SYT1: variants seen among roughly 807,000 people sequenced by gnomAD.
The protein encoded by SYT1 is synaptotagmin 1, also known as synaptotagmin-1.
Under a neutral mutation model 44.8 loss-of-function variants are expected in SYT1, and 8 were observed. That is an observed-to-expected ratio of 0.18 (90% CI 0.10 to 0.32). SYT1 has a LOEUF of 0.32. Among genes scored for constraint, SYT1 ranks in the 10% least tolerant of loss-of-function variants. SYT1 has a pLI of 1.00. For synonymous variants in SYT1, 154 were observed against 188.8 expected (o/e 0.82, Z 1.51); for missense variants, 286 against 509.3 (o/e 0.56, Z 4.22).
Position 79,408,462 on chromosome 12 carries a change from A to C in SYT1, c.929-35611A>C, listed in dbSNP as rs73356705. ...TGGAAGGAGCAAGGATCGGAGATAC[A>C]GTGCACATTCTTACTGAGACTTTGA... On this transcript the variant is annotated intron_variant, in intron 9 of 10. Transcript: ENST00000261205. Among the ~76,000 whole-genome samples, 944 of 152,288 alleles carry C rather than the reference A, an allele frequency of 6.2e-3. 10 individuals carry two copies. Among genetic ancestry groups the C allele is most frequent in the African/African-American group, 0.022 (900 of 41,574 alleles).
At chr12:79,301,236 T>C (rs1392021181) in intron 8 of SYT1, among the ~76,000 whole-genome samples, 1 of 152,128 alleles carries the variant, frequency 6.6e-6, no homozygotes. Context: ...TGCCCACTTG[T>C]GCAGGGTGCA....
chr12:79,430,690 G>A (rs1196402230), intron 9 of SYT1, among the ~76,000 whole-genome samples: 2 of 152,238 alleles, frequency 1.3e-5, no homozygotes, highest in Non-Finnish European at 2.9e-5. Context: ...GGGAGGCTGA[G>A]GTGGGAGGAT....
chr12:79,071,372 A>G (rs1261315205), intron 3 of SYT1, among the ~76,000 whole-genome samples: 1 of 152,198 alleles, frequency 6.6e-6, no homozygotes, highest in African/African-American at 2.4e-5. Context: ...TCACAGTCTA[A>G]GAGAGTGGGG....
At chr12:79,052,664 AAAAC>A (rs143564170) in intron 3 of SYT1, among the ~76,000 whole-genome samples, 35,666 of 151,024 alleles carry the variant, frequency 0.24, 4,870 homozygotes, top group Non-Finnish European at 0.34. Flanking sequence ...TTACAAGAAA[AAAAC>A]AAACAACCCC....
At chr12:79,246,203 C>G (rs898995784) in intron 4 of SYT1, among the ~76,000 whole-genome samples, 10 of 152,056 alleles carry the variant, frequency 6.6e-5, no homozygotes, top group Non-Finnish European at 1.2e-4. Context: ...TGGTCAATTC[C>G]AAAAGACGAG....
chr12:79,337,966 G>A (rs1882165150), intron 8 of SYT1, among the ~76,000 whole-genome samples: 1 of 152,168 alleles, frequency 6.6e-6, no homozygotes, highest in Non-Finnish European at 1.5e-5. Flanking sequence ...GTTTAAAATT[G>A]GATTTGACCC....
At chr12:79,263,270 ATTTT>A (rs34435501) in intron 4 of SYT1, among the ~76,000 whole-genome samples, 1 of 139,888 alleles carries the variant, frequency 7.1e-6, no homozygotes, top group Non-Finnish European at 1.6e-5. Context: ...TCTTCTGGTG[ATTTT>A]TTTTTTTTTT....
intron 2 of SYT1, among the ~76,000 whole-genome samples, chr12:79,020,004 T>A (rs1565766168): frequency 6.6e-6 from 1 of 151,962 alleles, no homozygotes; most frequent in Admixed American, 6.6e-5. Flanking sequence ...TCAATTTATA[T>A]GTCAAGAGAA....
chr12:79,226,799 C>T lies in SYT1; in HGVS notation c.166+9114C>T, dbSNP rs531424532. Among the ~76,000 whole-genome samples, 24 of 152,052 alleles carry T rather than the reference C, an allele frequency of 1.6e-4. No homozygotes were observed. The South Asian group carries it at 2.3e-3, about 14-fold the overall frequency. ...TGTATTTTACACTTTCATTTTAATC[C>T]GTCATAATTTTTCCTGCCTATATAA... On this transcript the variant is annotated intron_variant, in intron 4 of 10. Transcript: ENST00000261205.
At chr12:78,914,819 T>A (rs1338901665) in intron 1 of SYT1, among the ~76,000 whole-genome samples, 1 of 151,998 alleles carries the variant, frequency 6.6e-6, no homozygotes, top group Non-Finnish European at 1.5e-5. Context: ...ATTCATGTAA[T>A]TAAATATGTA....
At chr12:78,962,332 C>CTT (rs35875550) in intron 1 of SYT1, among the ~76,000 whole-genome samples, 2,573 of 130,084 alleles carry the variant, frequency 0.02, 25 homozygotes, top group East Asian at 0.061. Context: ...AGCATTCTTT[C>CTT]TTTTTTTTTT....
At chr12:78,961,759 G>C (rs911363261) in intron 1 of SYT1, among the ~76,000 whole-genome samples, 17 of 152,064 alleles carry the variant, frequency 1.1e-4, no homozygotes, top group Admixed American at 1.1e-3. Flanking sequence ...GATATAAGCT[G>C]TATAATTGAA....
At chr12:79,102,765 T>G (rs1878514499) in intron 3 of SYT1, among the ~76,000 whole-genome samples, 1 of 152,174 alleles carries the variant, frequency 6.6e-6, no homozygotes. Context: ...AAAATGAGAT[T>G]GAGGTTTGCA....
chr12:79,160,152 A>C (rs1330226619), intron 3 of SYT1, among the ~76,000 whole-genome samples: 1 of 152,052 alleles, frequency 6.6e-6, no homozygotes, highest in East Asian at 1.9e-4. Context: ...GGTGAGGGAG[A>C]GACATTTAAG....
In SYT1 at chr12:78,891,265, T is replaced by G. The variant is rs529832639; in HGVS notation, c.-217+26156T>G. On this transcript the variant is annotated intron_variant, in intron 1 of 10. Coordinates refer to ENST00000261205, the MANE Select transcript of SYT1 (RefSeq NM_005639.3). ...AGCACTTTTACATGCTTTTTCTCAT[T>G]TACTAATCATAGCAACACTATTATA... Among the ~76,000 whole-genome samples, 6 of 152,018 alleles carry G rather than the reference T, an allele frequency of 3.9e-5. No homozygotes were observed. The East Asian group carries it at 1.2e-3, about 30-fold the overall frequency.
chr12:79,159,520 ATATTAT>A (rs1252513402), intron 3 of SYT1, among the ~76,000 whole-genome samples: 1 of 152,192 alleles, frequency 6.6e-6, no homozygotes, highest in Non-Finnish European at 1.5e-5. Flanking sequence ...TTATTACAGT[ATATTAT>A]TATAATTGTT....
chr12:78,982,487 C>T (rs987099691), intron 2 of SYT1, among the ~76,000 whole-genome samples: 1 of 152,112 alleles, frequency 6.6e-6, no homozygotes, highest in Admixed American at 6.6e-5. Flanking sequence ...ATATCAAGCA[C>T]CCCTCCTTTC....
At chr12:79,208,869 G>C (rs1874275730) in intron 3 of SYT1, among the ~76,000 whole-genome samples, 1 of 151,954 alleles carries the variant, frequency 6.6e-6, no homozygotes, top group Non-Finnish European at 1.5e-5. Flanking sequence ...AAAGCACTAT[G>C]AGAAATACTT....
chr12:78,897,609 T>C (rs902564044), intron 1 of SYT1, among the ~76,000 whole-genome samples: 1 of 152,040 alleles, frequency 6.6e-6, no homozygotes, highest in Non-Finnish European at 1.5e-5. Flanking sequence ...TTTCATATGC[T>C]GATATGCTCA....
Sources: allele counts gnomAD v4.1 joint callset (sites outside exome capture counted in the v4.1 genomes callset), GRCh38; gene constraint gnomAD v4.1.1; transcripts MANE v1.5; gene names NCBI Gene and HGNC (gene_info 2026-07-23, HGNC 2026-07-21).